The following AIG1 variants were observed in gnomAD, a reference collection of about 807,000 sequenced individuals.
AIG1 encodes androgen-induced gene 1 protein.
AIG1 carries 23 observed loss-of-function variants against 31.4 expected under a neutral mutation model. The ratio of observed to expected loss-of-function variants is 0.73; its 90% confidence interval spans 0.53 to 1.04. The LOEUF is 1.04. Ranked by LOEUF, AIG1 falls within the 50% of genes least tolerant of loss-of-function variation. AIG1 has a pLI of 0.00. For missense variants in AIG1, 274 were observed against 295.0 expected, an observed-to-expected ratio of 0.93 and a Z score of 0.52; for synonymous variants, 100 against 110.5, an observed-to-expected ratio of 0.90 and a Z score of 0.60.
chr6:143,131,051 G>A (rs192135080), intron 1 of AIG1, among the ~76,000 whole-genome samples: 13 of 152,146 alleles, frequency 8.5e-5, no homozygotes, highest in Middle Eastern at 3.4e-3. Flanking sequence ...TTTAACCAAC[G>A]TTACATTTAT....
chr6:143,191,584 T>C (rs1789795235), intron 3 of AIG1, among the ~76,000 whole-genome samples: 1 of 152,106 alleles, frequency 6.6e-6, no homozygotes, highest in African/African-American at 2.4e-5. Context: ...GACTTAACAC[T>C]TTTTTGGAGT....
chr6:143,339,170 GA>G (rs3840180), intron 5 of AIG1: 20 of 148,706 alleles, frequency 1.3e-4, no homozygotes, highest in Admixed American at 4.7e-4. Context: ...AAGAAAACAA[GA>G]AAAAAAAAAG....
chr6:143,319,271 T>A (rs1281652493), intron 4 of AIG1, among the ~76,000 whole-genome samples: 1 of 152,150 alleles, frequency 6.6e-6, no homozygotes, highest in African/African-American at 2.4e-5. Context: ...TTGGTATGTA[T>A]ACACCACGGA....
chr6:143,164,984 C>T (rs1786784858), intron 2 of AIG1, 98 bp from the exon 3 acceptor site: 1 of 925,566 alleles, frequency 1.1e-6, no homozygotes, highest in Middle Eastern at 2.3e-4. Flanking sequence ...ATCATAGATT[C>T]CAAATTCTGT....
At position 143,304,694 on chromosome 6, in the gene AIG1, G is replaced by C. The variant is rs1195234470; in HGVS notation, c.515+20469G>C. Among the ~76,000 whole-genome samples, 3 of 150,486 alleles carry C rather than the reference G, an allele frequency of 2.0e-5. No homozygotes were observed. The South Asian group carries it at 6.3e-4, about 32-fold the overall frequency. ...ATATTGATCTAAAATTCTCTTTTTT[G>C]GTTGTGTCTCTGCCAGGCTTTGGTA... On this transcript the variant is annotated intron_variant, in intron 4 of 5. Coordinates refer to ENST00000357847, the MANE Select transcript of AIG1 (RefSeq NM_016108.4).
At chr6:143,064,590 T>A (rs1442446998) in intron 1 of AIG1, among the ~76,000 whole-genome samples, 1 of 152,242 alleles carries the variant, frequency 6.6e-6, no homozygotes, top group East Asian at 1.9e-4. Flanking sequence ...CTAGTATACT[T>A]GGCTTTAAAG....
Position 143,291,948 on chromosome 6 carries a change from G to A in AIG1, c.515+7723G>A, listed in dbSNP as rs147056834. Among the ~76,000 whole-genome samples the A allele has an allele frequency of 2.0e-3, 304 of 152,264 alleles. 3 individuals carry two copies. Among genetic ancestry groups the A allele is most frequent in the African/African-American group, 7.1e-3 (294 of 41,548 alleles). On this transcript the variant is annotated intron_variant, in intron 4 of 5. Coordinates refer to ENST00000357847, the MANE Select transcript of AIG1 (RefSeq NM_016108.4). The surrounding 1 kb of genome is among the most constrained non-coding windows in gnomAD (Gnocchi z 4.2). ...TCACTTTGGCCAATGTGTTAAGAGT[G>A]GATTGAAGGCAAGGGTAGAACAAGG...
chr6:143,273,408 T>A (rs955777000), intron 3 of AIG1, among the ~76,000 whole-genome samples: 3 of 152,206 alleles, frequency 2.0e-5, no homozygotes, highest in Non-Finnish European at 2.9e-5. Flanking sequence ...AATACTTCAA[T>A]GCTTTAAATT....
chr6:143,211,931 A>ATT (rs1791625181), intron 3 of AIG1, among the ~76,000 whole-genome samples: 1 of 151,886 alleles, frequency 6.6e-6, no homozygotes, highest in Admixed American at 6.6e-5. Flanking sequence ...TTATTTCTAA[A>ATT]TTTTTCCTTT....
chr6:143,129,620 ATTTT>A (rs1013225162), intron 1 of AIG1, among the ~76,000 whole-genome samples: 7 of 152,170 alleles, frequency 4.6e-5, no homozygotes, highest in Admixed American at 1.3e-4. Flanking sequence ...TGCAGAAATT[ATTTT>A]GTTTTTTCGC....
In AIG1 at chr6:143,330,903, A is replaced by G. The variant is rs1197645231; in HGVS notation, c.516-2379A>G. On this transcript the variant is annotated intron_variant, in intron 4 of 5. Transcript: ENST00000357847. This position sits in a 1 kb window ranked among gnomAD's most constrained non-coding sequence, Gnocchi z 4.4. ...CTAATTTATGGACAAACAATATGAT[A>G]TCTCAGAATCCCACAGGGTAGTTCT... Among the ~76,000 whole-genome samples, 1 of 152,228 alleles carries G rather than the reference A, an allele frequency of 6.6e-6. No homozygotes were observed. Among genetic ancestry groups the G allele is most frequent in the East Asian group, 1.9e-4 (1 of 5,200 alleles).
intron 2 of AIG1, among the ~76,000 whole-genome samples, chr6:143,141,772 A>C (rs1161554977): frequency 1.3e-5 from 2 of 152,168 alleles, no homozygotes; most frequent in African/African-American, 4.8e-5. Flanking sequence ...GGAAGCACTG[A>C]AGTTTATTAG....
intron 3 of AIG1, among the ~76,000 whole-genome samples, chr6:143,273,307 T>C (rs1796668629): frequency 6.6e-6 from 1 of 152,218 alleles, no homozygotes; most frequent in Non-Finnish European, 1.5e-5. Context: ...TTTTCAAGCT[T>C]CCTTTTGTTA....
At chr6:143,177,776 A>C (rs1019436680) in intron 3 of AIG1, among the ~76,000 whole-genome samples, 1 of 152,190 alleles carries the variant, frequency 6.6e-6, no homozygotes, top group Non-Finnish European at 1.5e-5. Context: ...TGGAGGGGTC[A>C]GGGTCACTGG....
chr6:143,062,929 T>A (rs1217792309), intron 1 of AIG1, among the ~76,000 whole-genome samples: 1 of 152,206 alleles, frequency 6.6e-6, no homozygotes, highest in African/African-American at 2.4e-5. Context: ...AATACAGAGA[T>A]GCTGTGGGAG....
At chr6:143,187,518 A>G (rs1789374802) in intron 3 of AIG1, 2 of 1,534,728 alleles carry the variant, frequency 1.3e-6, no homozygotes, top group East Asian at 4.9e-5. Context: ...CACATTTTTT[A>G]ACCTGTTTTT....
intron 1 of AIG1, among the ~76,000 whole-genome samples, chr6:143,108,521 A>G (rs1279233320): frequency 6.6e-6 from 1 of 152,208 alleles, no homozygotes; most frequent in African/African-American, 2.4e-5. Context: ...TTTGCAGCTC[A>G]GAGATTTCTC....
chr6:143,087,443 C>T (rs1271710409), intron 1 of AIG1, among the ~76,000 whole-genome samples: 4 of 152,214 alleles, frequency 2.6e-5, no homozygotes, highest in Admixed American at 6.5e-5. Flanking sequence ...GGTGCTTAGC[C>T]GTGCCCGAAC....
intron 4 of AIG1, among the ~76,000 whole-genome samples, chr6:143,301,021 C>T (rs1377894550): frequency 2.0e-5 from 3 of 152,096 alleles, no homozygotes; most frequent in African/African-American, 7.2e-5. Flanking sequence ...TGCAGTGGCA[C>T]AATCTCAGCT....
Sources: allele counts gnomAD v4.1 joint callset (sites outside exome capture counted in the v4.1 genomes callset), GRCh38; gene constraint gnomAD v4.1.1; non-coding constraint Gnocchi (gnomAD v3.1); transcripts MANE v1.5; gene names NCBI Gene and HGNC (gene_info 2026-07-23, HGNC 2026-07-21).